The following DNAH5 variants were observed in gnomAD, a reference collection of about 807,000 sequenced individuals.
DNAH5 encodes dynein axonemal heavy chain 5, also known as axonemal beta dynein heavy chain 5.
DNAH5 carries 372 observed loss-of-function variants against 518.2 expected under a neutral mutation model. That is an observed-to-expected ratio of 0.72 (90% confidence interval 0.66 to 0.78). DNAH5 has a LOEUF of 0.78. Ranked by LOEUF, DNAH5 falls within the 30% of genes least tolerant of loss-of-function variation. The pLI is 0.00. For synonymous variants in DNAH5, 2,039 were observed against 2,025.9 expected (o/e 1.01, Z -0.17); for missense variants, 5,523 against 5,687.0 (o/e 0.97, Z 0.93).
rs1554044722 is a variant in DNAH5 at position 13,778,596 on chromosome 5, A to AGAGAG, written c.8952-1242_8952-1241insCTCTC. 4.6e-4 allele frequency among the ~76,000 whole-genome samples: 47 copies of AGAGAG among 102,238 alleles called. 1 individual carries two copies. The East Asian group carries it at 7.7e-3, about 17-fold the overall frequency. 67.1% of individuals were successfully genotyped at this position (102,238 alleles called of 152,430 possible). A position where few individuals can be genotyped will look rare whatever the true frequency, so the allele number is the denominator to read the frequency against. On this transcript the variant is annotated intron_variant, in intron 53 of 78. Coordinates refer to ENST00000265104, the MANE Select transcript of DNAH5 (RefSeq NM_001369.3). The stretch of plus-strand genomic sequence containing the variant: ...AAAGAAAGAAAGAAAGAAAGAAAGA[A>AGAGAG]AGAGAGAGAGAAAGAAAAAGAAAGA...
chr5:13,834,216 A>G (rs943264121), intron 35 of DNAH5, among the ~76,000 whole-genome samples: 4 of 143,878 alleles, frequency 2.8e-5, no homozygotes, highest in Non-Finnish European at 6.0e-5. Flanking sequence ...TTTTGCTTTT[A>G]AAGTTCTCAG....
In DNAH5 at chr5:13,776,622, G is replaced by A; in HGVS notation, c.9190C>T (p.Leu3064Phe). The A allele has an allele frequency of 6.2e-7, 1 of 1,613,898 alleles. No individual in the cohort carries two copies. The highest frequency in any genetic ancestry group is 1.1e-5 in the South Asian group (1 of 91,084). The stretch of plus-strand genomic sequence containing the variant: ...TCGTGCAGGTTCTCATTGGTAGGAA[G>A]GCACCTGGGGAATTCTTTTTTCATG... Reference protein sequence around the residue: ...SVMKKEFPRCLPTNENLHDYF... With the variant: ...SVMKKEFPRCFPTNENLHDYF... The change falls in exon 55 of 79, where the codon CTT (leucine) becomes TTT (phenylalanine). Residue 3064 changes from leucine to phenylalanine, a missense_variant. By Grantham distance (22) the Leu-to-Phe change is conservative (BLOSUM62 0). Transcript: ENST00000265104.
At position 13,778,708 on chromosome 5, in the gene DNAH5, C is replaced by G. The variant is rs137978007; in HGVS notation, c.8952-1353G>C. On this transcript the variant is annotated intron_variant, in intron 53 of 78. Coordinates refer to ENST00000265104, the MANE Select transcript of DNAH5 (RefSeq NM_001369.3). Reference sequence around the variant, plus strand: ...CTCTTGGATCTCAAGGGCCCATTGCCTCAAATAATATGGCCTAAGACACCA... The same window carrying G: ...CTCTTGGATCTCAAGGGCCCATTGCGTCAAATAATATGGCCTAAGACACCA... 7.4e-3 allele frequency among the ~76,000 whole-genome samples: 1,134 copies of G among 152,284 alleles called. 13 individuals carry two copies. Among genetic ancestry groups the G allele is most frequent in the Middle Eastern group, 0.037 (11 of 294 alleles).
rs780280647 is a variant in DNAH5 at position 13,870,834 on chromosome 5, G to A, written c.3767C>T (p.Ala1256Val). The A allele has an allele frequency of 1.9e-6, 3 of 1,613,820 alleles. No individual in the cohort carries two copies. The highest frequency in any genetic ancestry group is 2.7e-5 in the African/African-American group (2 of 74,998). Residue 1256 changes from alanine to valine, a missense_variant, in exon 24 of 79, where the codon GCA becomes GTA. Transcript: ENST00000265104. ...PIKDLDDIRI[A>V]MAALKEIREE... ...CCTTATTTCTTTCAGCGCTGCCATT[G>A]CAATCCGAATATCATCTAGGTCCTT... is the stretch of plus-strand genomic sequence containing the variant.
rs537169825 is a variant in DNAH5, at chr5:13,924,736, C to A, written c.278-1296G>T. The stretch of plus-strand genomic sequence containing the variant: ...CATCTGAAATTGTTGTGAAAATCAA[C>A]ACACTGTGTAAAGTCCTTAGAAAAG... On this transcript the variant is annotated intron_variant, in intron 3 of 78. Coordinates refer to ENST00000265104, the MANE Select transcript of DNAH5 (RefSeq NM_001369.3). Among the ~76,000 whole-genome samples the A allele has an allele frequency of 6.0e-5, 9 of 151,200 alleles. No homozygotes were observed. The East Asian group carries it at 1.7e-3, about 29-fold the overall frequency.
rs1764360856 is a variant in DNAH5, at chr5:13,836,113, T to C, written c.5882+3243A>G. On this transcript the variant is annotated intron_variant, in intron 35 of 78. Transcript: ENST00000265104. ...GGACATGGACATCTTTTGGGGGCCATTATACTTACTATCACACTTCCCCCC... is the reference window on the plus strand; with the variant it reads ...GGACATGGACATCTTTTGGGGGCCACTATACTTACTATCACACTTCCCCCC... Among the ~76,000 whole-genome samples, 3 of 152,234 alleles carry C rather than the reference T, an allele frequency of 2.0e-5. No homozygotes were observed. In the South Asian group the frequency reaches 6.2e-4, roughly 32 times the overall value.
At chr5:13,911,274 C>T (rs1675208269) in intron 12 of DNAH5, 112 bp downstream of exon 12, 2 of 828,590 alleles carry the variant, frequency 2.4e-6, no homozygotes, top group East Asian at 5.1e-5. Context: ...CTATCGGTCA[C>T]CTCCATGATG....
intron 47 of DNAH5, among the ~76,000 whole-genome samples, chr5:13,802,403 G>T (rs1004730893): frequency 2.6e-5 from 4 of 152,124 alleles, no homozygotes; most frequent in African/African-American, 9.7e-5. Flanking sequence ...TTTCTCAATA[G>T]ACAACTCAGC....
At position 13,814,704 on chromosome 5, in the gene DNAH5, G is replaced by A. The variant is rs562255121; in HGVS notation, c.7131C>T (p.Phe2377=). 44 of 1,614,002 alleles carry A rather than the reference G, an allele frequency of 2.7e-5. No individual in the cohort carries two copies. The South Asian group carries it at 3.1e-4, about 11-fold the overall frequency. Residue 2377 remains phenylalanine (F), a synonymous_variant, in exon 43 of 79, where the codon TTC becomes TTT. Coordinates refer to ENST00000265104, the MANE Select transcript of DNAH5 (RefSeq NM_001369.3). ...IPMAPNCKII[F]EPHNIDNASP... ...AAGCATTGTCAATGTTATGAGGCTCGAAAATGATCTTGCAGTTTGGAGCCA... is the reference window on the plus strand; with the variant it reads ...AAGCATTGTCAATGTTATGAGGCTCAAAAATGATCTTGCAGTTTGGAGCCA...
At chr5:13,891,784 T>C (rs572544126) in intron 16 of DNAH5, among the ~76,000 whole-genome samples, 30 of 152,324 alleles carry the variant, frequency 2.0e-4, no homozygotes, top group African/African-American at 7.2e-4. Flanking sequence ...GTAAATATCA[T>C]AGGGTACATT....
chr5:13,753,629 T>G, intron 62 of DNAH5, 80 bp from the exon 63 acceptor site: 3 of 1,272,376 alleles, frequency 2.4e-6, no homozygotes, highest in Non-Finnish European at 3.3e-6. Context: ...TGAAAAAAAT[T>G]AAAAAGACAA....
intron 1 of DNAH5, among the ~76,000 whole-genome samples, chr5:13,965,002 C>T (rs1038511513): frequency 1.6e-4 from 25 of 152,218 alleles, no homozygotes; most frequent in African/African-American, 6.0e-4. Flanking sequence ...ACCTCGTCCA[C>T]TGGGGAAGCT....
chr5:13,777,084 A>T, intron 54 of DNAH5, 118 bp downstream of exon 54: 1 of 958,688 alleles, frequency 1.0e-6, no homozygotes, highest in Non-Finnish European at 1.6e-6. Context: ...CATACTGATC[A>T]CTTAATACCC....
intron 31 of DNAH5, among the ~76,000 whole-genome samples, chr5:13,847,870 T>C (rs1046633656): frequency 1.3e-5 from 2 of 152,136 alleles, no homozygotes; most frequent in African/African-American, 2.4e-5. Context: ...AGTAGACAGT[T>C]CCTCGGCAAG....
At chr5:13,708,391 G>C in intron 75 of DNAH5, 56 bp from the exon 76 acceptor site, 2 of 1,575,900 alleles carry the variant, frequency 1.3e-6, no homozygotes, top group Non-Finnish European at 1.7e-6. Flanking sequence ...GGATTTTATA[G>C]ACCTGGTGCC....
chr5:14,009,477 TTGAG>T (rs1460873351), intron 1 of DNAH5, among the ~76,000 whole-genome samples: 1 of 152,212 alleles, frequency 6.6e-6, no homozygotes, highest in Admixed American at 6.5e-5. Context: ...TTCTATTTGC[TTGAG>T]TGTCTATTTG....
At position 13,850,622 on chromosome 5, in the gene DNAH5, C is replaced by A. The variant is rs795527; in HGVS notation, c.5114+30G>T. ...CTGTATCCTTTTGTCTCAAGGATAC[C>A]GAGAGCTTTCAAAGAGCCAGTGAAC... is the stretch of plus-strand genomic sequence containing the variant. On this transcript the variant is annotated intron_variant, in intron 31 of 78. Transcript: ENST00000265104. 0.052 allele frequency: 82,511 copies of A among 1,601,962 alleles called. 2,439 individuals are homozygous for A. The highest frequency in any genetic ancestry group is 0.086 in the Admixed American group (5,151 of 59,966).
chr5:13,792,651 T>C (rs1757182573), intron 49 of DNAH5, among the ~76,000 whole-genome samples: 1 of 149,092 alleles, frequency 6.7e-6, no homozygotes, highest in South Asian at 2.2e-4. Context: ...AAGGAATAAT[T>C]AAAAATGATA....
rs1384077172 is a variant in DNAH5 at position 13,691,736 on chromosome 5, C to T, written c.*248G>A. 4 of 499,948 alleles carry T rather than the reference C, an allele frequency of 8.0e-6. No individual in the cohort carries two copies. The highest frequency in any genetic ancestry group is 7.8e-5 in the African/African-American group (4 of 51,526). The allele number at this position is 499,948 out of a possible 1,614,324, so 31.0% of individuals were successfully genotyped here. On this transcript the variant is annotated 3_prime_UTR_variant, in exon 79 of 79. Coordinates refer to ENST00000265104, the MANE Select transcript of DNAH5 (RefSeq NM_001369.3). Reference sequence around the variant, plus strand: ...TACTACTGTGGATTTGAGGGCCACACTTCATTAGGATGCTGTAAATTTACT... The same window carrying T: ...TACTACTGTGGATTTGAGGGCCACATTTCATTAGGATGCTGTAAATTTACT...
Sources: gnomAD v4.1 joint callset for allele counts (sites outside exome capture counted in the v4.1 genomes callset) on GRCh38, gnomAD v4.1.1 for gene constraint, MANE v1.5 for transcripts, NCBI Gene and HGNC (gene_info 2026-07-23, HGNC 2026-07-21) for gene names.